The following MYO16 variants were observed in gnomAD, a reference collection of about 807,000 sequenced individuals.
MYO16 encodes the protein unconventional myosin-XVI.
In MYO16, 94 loss-of-function variants were observed where a neutral mutation model predicts 205.3. That is an observed-to-expected ratio of 0.46 (90% CI 0.39 to 0.54). MYO16 has a LOEUF of 0.54. Ranked by LOEUF, MYO16 falls within the 20% of genes least tolerant of loss-of-function variation. MYO16 has a pLI of 0.00. For missense variants in MYO16, 2,315 were observed against 2,387.5 expected (o/e 0.97, Z 0.63); for synonymous variants, 988 against 954.0 (o/e 1.04, Z -0.66).
At chr13:108,844,580 C>T (rs7989802) in intron 10 of MYO16, 87 bp downstream of exon 10, 926,659 of 1,325,078 alleles carry the variant, frequency 0.7, 328,004 homozygotes, top group Non-Finnish European at 0.72. Flanking sequence ...AAAACAAATG[C>T]GCACTAATTT....
At chr13:109,137,767 G>A (rs564043111) in intron 31 of MYO16, among the ~76,000 whole-genome samples, 5 of 152,158 alleles carry the variant, frequency 3.3e-5, no homozygotes, top group African/African-American at 7.2e-5. Flanking sequence ...TTATTCCTTC[G>A]AGATACATAC....
the MYO16 span, among the ~76,000 whole-genome samples, chr13:108,511,247 G>A: frequency 1.4e-5 from 2 of 138,664 alleles, no homozygotes; most frequent in Non-Finnish European, 3.1e-5. Flanking sequence ...TTCTTCGTGT[G>A]TTTTTTGGCT....
intron 16 of MYO16, among the ~76,000 whole-genome samples, chr13:108,917,961 A>G (rs757625327): frequency 2.0e-5 from 3 of 152,226 alleles, no homozygotes; most frequent in African/African-American, 7.2e-5. Flanking sequence ...CCCGTGTTGC[A>G]GACGAAGTGA....
At chr13:108,799,241 G>A (rs1432977765) in intron 6 of MYO16, among the ~76,000 whole-genome samples, 3 of 152,174 alleles carry the variant, frequency 2.0e-5, no homozygotes, top group Middle Eastern at 3.2e-3. Context: ...AAACTCTCAA[G>A]TCAGGAGTTG....
At chr13:108,529,634 C>A in the MYO16 span, among the ~76,000 whole-genome samples, 33 of 152,286 alleles carry the variant, frequency 2.2e-4, no homozygotes, top group African/African-American at 7.0e-4. Flanking sequence ...TCACCTTGAA[C>A]CTGACAGTTA....
chr13:108,793,688 G>T (rs758382154), intron 6 of MYO16, 48 bp downstream of exon 6: 18 of 1,543,974 alleles, frequency 1.2e-5, no homozygotes, highest in Non-Finnish European at 1.3e-5. Context: ...GAGAATTTAA[G>T]TTGATCTATA....
intron 2 of MYO16, among the ~76,000 whole-genome samples, chr13:108,707,777 G>C (rs1465223408): frequency 1.3e-5 from 2 of 152,146 alleles, no homozygotes; most frequent in African/African-American, 4.8e-5. Flanking sequence ...TTCTCAGAAT[G>C]TCTTAAAGGG....
intron 6 of MYO16, among the ~76,000 whole-genome samples, chr13:108,804,194 G>T (rs1197874105): frequency 6.6e-6 from 1 of 152,166 alleles, no homozygotes; most frequent in Non-Finnish European, 1.5e-5. Context: ...AAGATTAGAA[G>T]AAATAATTCA....
intron 4 of MYO16, among the ~76,000 whole-genome samples, chr13:108,728,819 G>A (rs918604205): frequency 2.0e-5 from 3 of 152,058 alleles, no homozygotes; most frequent in Non-Finnish European, 4.4e-5. Context: ...GCTTTTTTCT[G>A]GAAAACATTT....
chr13:108,878,060 C>T (rs1056173018), intron 12 of MYO16, among the ~76,000 whole-genome samples: 3 of 152,172 alleles, frequency 2.0e-5, no homozygotes, highest in Non-Finnish European at 2.9e-5. Flanking sequence ...CTCTCAGCAG[C>T]ACCCTTTACC....
chr13:109,047,617 T>A (rs1311519621), intron 24 of MYO16, among the ~76,000 whole-genome samples: 2 of 152,130 alleles, frequency 1.3e-5, no homozygotes, highest in African/African-American at 4.8e-5. Context: ...ATATACATAA[T>A]TCTGCCTCTA....
chr13:108,766,245 TC>T (rs1323872813), intron 4 of MYO16, among the ~76,000 whole-genome samples: 1 of 152,224 alleles, frequency 6.6e-6, no homozygotes, highest in Non-Finnish European at 1.5e-5. Flanking sequence ...TGCTTCTTGA[TC>T]ACGAACAGAT....
At chr13:108,895,103 A>T (rs1429237245) in intron 14 of MYO16, among the ~76,000 whole-genome samples, 1 of 152,210 alleles carries the variant, frequency 6.6e-6, no homozygotes, top group African/African-American at 2.4e-5. Flanking sequence ...AGAGGATGCC[A>T]CAAGTCTTTA....
chr13:109,090,968 G>A (rs1566501265), intron 27 of MYO16, among the ~76,000 whole-genome samples: 1 of 152,004 alleles, frequency 6.6e-6, no homozygotes, highest in Non-Finnish European at 1.5e-5. Flanking sequence ...TTTTCTTGAT[G>A]TATGTCAGTC....
chr13:108,778,749 G>A lies in MYO16; in HGVS notation c.508-6886G>A, dbSNP rs1463765704. ...AATTTGATAAGACAGTGAATTCACT[G>A]GACATGGTACTTCAGCAACCTACAC... is the stretch of plus-strand genomic sequence containing the variant. On this transcript the variant is annotated intron_variant, in intron 4 of 34. Coordinates refer to ENST00000457511, the MANE Select transcript of MYO16 (RefSeq NM_001198950.3). 2.0e-5 allele frequency among the ~76,000 whole-genome samples: 3 copies of A among 152,140 alleles called. No homozygotes were observed. The South Asian group carries it at 6.2e-4, about 31-fold the overall frequency.
At chr13:109,204,264 A>G (rs1880514642) in intron 34 of MYO16, among the ~76,000 whole-genome samples, 1 of 152,242 alleles carries the variant, frequency 6.6e-6, no homozygotes, top group African/African-American at 2.4e-5. Flanking sequence ...GTCTTAAGAA[A>G]ACTTGGGGAA....
chr13:109,056,652 T>A (rs1887427832), intron 27 of MYO16, among the ~76,000 whole-genome samples: 1 of 152,020 alleles, frequency 6.6e-6, no homozygotes, highest in African/African-American at 2.4e-5. Flanking sequence ...ATTACATGGG[T>A]TGGAATATTA....
chr13:109,009,078 A>T (rs763149682), intron 22 of MYO16, 29 bp downstream of exon 22: 2 of 1,534,904 alleles, frequency 1.3e-6, no homozygotes, highest in Admixed American at 4.3e-5. Flanking sequence ...TAGATACTTA[A>T]CAGGATATAT....
intron 3 of MYO16, among the ~76,000 whole-genome samples, chr13:108,723,870 G>C (rs1209226066): frequency 6.6e-6 from 1 of 152,002 alleles, no homozygotes; most frequent in Non-Finnish European, 1.5e-5. Context: ...AACCCTTCTG[G>C]AATTATGACA....
Sources: gnomAD v4.1 joint callset for allele counts (sites outside exome capture counted in the v4.1 genomes callset) on GRCh38, gnomAD v4.1.1 for gene constraint, MANE v1.5 for transcripts, NCBI Gene and HGNC (gene_info 2026-07-23, HGNC 2026-07-21) for gene names.